The following GANAB variants were observed in gnomAD, a reference collection of about 807,000 sequenced individuals.
GANAB encodes glucosidase II alpha subunit.
Under a neutral mutation model 129.9 loss-of-function variants are expected in GANAB, and 35 were observed. The ratio of observed to expected loss-of-function variants is 0.27; its 90% CI spans 0.21 to 0.36. GANAB has a LOEUF of 0.36. GANAB is among the 10% of genes least tolerant of loss of function. The probability of loss-of-function intolerance (pLI) is 1.00; values close to 1 mark genes in which losing one functional copy is unlikely to be tolerated. For missense variants in GANAB, 939 were observed against 1,221.0 expected (o/e 0.77, Z 3.44); for synonymous variants, 482 against 451.8 (o/e 1.07, Z -0.85).
rs749936521 is a variant in GANAB, at chr11:62,634,972, T to G, written c.409A>C (p.Ser137Arg). ...RLSVSGRDEN[S>R]VELTMAEGPY... ...CCCTCAGCCATGGTTAACTCCACACTGTTCTCATCACGACCAGAGACAGAA... is the reference window on the plus strand; with the variant it reads ...CCCTCAGCCATGGTTAACTCCACACGGTTCTCATCACGACCAGAGACAGAA... The change falls in exon 5 of 24, where the codon AGT (serine) becomes CGT (arginine). Residue 137 changes from serine (S) to arginine (R), a missense_variant. Transcript: ENST00000356638. 1 of 1,613,174 alleles carries G rather than the reference T, an allele frequency of 6.2e-7. No individual in the cohort carries two copies. The highest frequency in any genetic ancestry group is 8.5e-7 in the Non-Finnish European group (1 of 1,179,290).
chr11:62,632,910 G>A (rs1317645422), intron 8 of GANAB, 95 bp downstream of exon 8: 9 of 988,572 alleles, frequency 9.1e-6, no homozygotes, highest in African/African-American at 3.2e-5. Context: ...AATGACCCAT[G>A]CTTGCCTAGA....
intron 23 of GANAB, 41 bp downstream of exon 23, chr11:62,626,024 C>T: frequency 1.3e-6 from 2 of 1,521,838 alleles, no homozygotes; most frequent in Non-Finnish European, 1.8e-6. Context: ...GCCCCGGCTT[C>T]CCCTCCTTCC....
chr11:62,627,455 G>A, intron 17 of GANAB, 102 bp from the exon 18 acceptor site: 1 of 713,776 alleles, frequency 1.4e-6, no homozygotes, highest in Non-Finnish European at 2.5e-6. Context: ...GCATAGGCCG[G>A]GTGTGGTGGC....
chr11:62,627,180 C>T (rs142739405), intron 18 of GANAB, 56 bp from the exon 19 acceptor site: 544 of 1,498,664 alleles, frequency 3.6e-4, no homozygotes, highest in South Asian at 3.6e-3. Flanking sequence ...GAACAGGGAA[C>T]ACCAAAGTGC....
chr11:62,639,558 C>G (rs558243673), intron 2 of GANAB, 69 bp downstream of exon 2: 1 of 1,441,184 alleles, frequency 6.9e-7, no homozygotes, highest in Non-Finnish European at 9.8e-7. Context: ...GGCACTCCAT[C>G]TGCCACAGAT....
chr11:62,638,933 A>G (rs1944089791), intron 4 of GANAB, 50 bp downstream of exon 4: 2 of 1,595,932 alleles, frequency 1.3e-6, no homozygotes, highest in Non-Finnish European at 8.6e-7. Context: ...AAGGTTCATC[A>G]GGAAGGAGAA....
Position 62,625,606 on chromosome 11 carries a change from G to C in GANAB, c.*209C>G, listed in dbSNP as rs1385605416. The C allele has an allele frequency of 1.7e-6, 1 of 583,492 alleles. No individual in the cohort carries two copies. Among genetic ancestry groups the C allele is most frequent in the Non-Finnish European group, 3.1e-6 (1 of 325,960 alleles). 36.1% of individuals were successfully genotyped at this position (583,492 alleles called of 1,614,324 possible). On this transcript the variant is annotated 3_prime_UTR_variant, in exon 24 of 24. Transcript: ENST00000356638. ...TTGGGGGAATGAAGGGAAAGAGTTG[G>C]TATCAATGGAGTGGGAGAGGTGAGG...
chr11:62,627,229 G>C, intron 18 of GANAB, 60 bp downstream of exon 18: 1 of 1,381,536 alleles, frequency 7.2e-7, no homozygotes. Context: ...TCCCTCCCTG[G>C]GCATCCGCAG....
intron 17 of GANAB, among the ~76,000 whole-genome samples, chr11:62,628,383 T>C (rs1253795576): frequency 1.3e-5 from 2 of 151,834 alleles, no homozygotes; most frequent in African/African-American, 2.4e-5. Flanking sequence ...CAGCTAATTT[T>C]TGTATTTTTA....
At position 62,630,827 on chromosome 11, in the gene GANAB, G is replaced by A. The variant is rs763972916; in HGVS notation, c.1160C>T (p.Ala387Val). The A allele has an allele frequency of 9.3e-6, 15 of 1,612,782 alleles. No individual in the cohort carries two copies. Among genetic ancestry groups the A allele is most frequent in the East Asian group, 6.7e-5 (3 of 44,866 alleles). The change falls in exon 11 of 24, where the codon GCG (alanine) becomes GTG (valine). Residue 387 changes from alanine (A) to valine (V), a missense_variant. Around this residue, in one of 5 missense-constraint regions of GANAB, gnomAD observed 220 missense variants for 295.9 expected, o/e 0.74. Coordinates refer to ENST00000356638, the MANE Select transcript of GANAB (RefSeq NM_198334.3). ...GCCGAGGGAGAAGAGTGGGGGCAAC[G>A]CCTGGGTTCCTGCAGGTTCATGAGG... ...RQYASLTGTQ[A>V]LPPLFSLGYH...
rs201217245 is a variant in GANAB, at chr11:62,626,953, G to T, written c.2323-19C>A. 1 of 1,599,694 alleles carries T rather than the reference G, an allele frequency of 6.3e-7. No homozygotes were observed. Among genetic ancestry groups the T allele is most frequent in the Non-Finnish European group, 8.6e-7 (1 of 1,166,900 alleles). ...ACCACACCTGTGAGTGACAAAAGAG[G>T]TAAGATACCGGATCACTCAGTGCAC... On this transcript the variant is annotated intron_variant, in intron 19 of 23. Transcript: ENST00000356638.
Position 62,637,950 on chromosome 11 carries a change from C to T in GANAB, c.380+1033G>A, listed in dbSNP as rs116424818. Among the ~76,000 whole-genome samples, 1,503 of 151,084 alleles carry T rather than the reference C, an allele frequency of 9.9e-3. 25 individuals are homozygous for T. The highest frequency in any genetic ancestry group is 0.035 in the African/African-American group (1,436 of 41,256). On this transcript the variant is annotated intron_variant, in intron 4 of 23. Transcript: ENST00000356638. ...CCCCAGAAGACCACATGCACTAAGA[C>T]ACTTCCTCTGTAAAGCTCAAAAACA...
chr11:62,646,458 G>A, intron 1 of GANAB, 104 bp downstream of exon 1: 1 of 1,333,134 alleles, frequency 7.5e-7, no homozygotes, highest in East Asian at 2.4e-5. Flanking sequence ...TTCCTCACGA[G>A]GCCGGGGGTG....
intron 1 of GANAB, 21 bp from the exon 2 acceptor site, chr11:62,639,752 A>T (rs1426695709): frequency 6.4e-7 from 1 of 1,552,936 alleles, no homozygotes; most frequent in Non-Finnish European, 8.9e-7. Flanking sequence ...AAGGACAAAG[A>T]CAGAGCAATC....
At chr11:62,639,601 A>G in intron 2 of GANAB, 26 bp downstream of exon 2, 3 of 1,544,190 alleles carry the variant, frequency 1.9e-6, no homozygotes, top group Non-Finnish European at 2.7e-6. Context: ...CCTACATTCC[A>G]TCCCTCTCCC....
rs1565094135 is a variant in GANAB at position 62,629,805 on chromosome 11, G to A, written c.1737+9C>T. On this transcript the variant is annotated intron_variant, in intron 14 of 23. Transcript: ENST00000356638. ...TCTTTCCACCAACTCTCCTCTCTCA[G>A]GCCCTTACCACATAAAGGCCATAGA... is the stretch of plus-strand genomic sequence containing the variant. 6.2e-7 allele frequency: 1 copy of A among 1,614,084 alleles called. No individual in the cohort carries two copies. The highest frequency in any genetic ancestry group is 8.5e-7 in the Non-Finnish European group (1 of 1,179,980).
intron 4 of GANAB, among the ~76,000 whole-genome samples, chr11:62,638,009 G>A (rs1031702260): frequency 2.6e-5 from 4 of 152,048 alleles, no homozygotes; most frequent in Non-Finnish European, 5.9e-5. Flanking sequence ...TAGGCACACA[G>A]ACATATGTGT....
At chr11:62,634,739 C>CGA in intron 5 of GANAB, 82 bp downstream of exon 5, 4 of 1,162,890 alleles carry the variant, frequency 3.4e-6, no homozygotes, top group Non-Finnish European at 5.0e-6. Flanking sequence ...GTCCCACCAC[C>CGA]GTCTCCTCCC....
intron 15 of GANAB, 145 bp downstream of exon 15, chr11:62,629,443 A>G (rs2134472344): frequency 1.3e-6 from 1 of 791,510 alleles, no homozygotes; most frequent in Admixed American, 2.2e-5. Context: ...GACCTCCCAC[A>G]CCCTGACTTC....
Sources: allele counts gnomAD v4.1 joint callset (sites outside exome capture counted in the v4.1 genomes callset), GRCh38; gene constraint gnomAD v4.1.1; regional missense constraint gnomAD v4.1.1; transcripts MANE v1.5; gene names NCBI Gene and HGNC (gene_info 2026-07-23, HGNC 2026-07-21).